The following FRMD4B variants were observed in gnomAD, a reference collection of about 807,000 sequenced individuals.
The protein encoded by FRMD4B is FERM domain-containing protein 4B.
FRMD4B carries 74 observed loss-of-function variants against 141.5 expected under a neutral mutation model. The ratio of observed to expected loss-of-function variants is 0.52; its 90% confidence interval spans 0.43 to 0.63. FRMD4B has a LOEUF of 0.63. Among genes scored for constraint, FRMD4B ranks in the 30% least tolerant of loss-of-function variants. FRMD4B has a pLI of 0.00. For synonymous variants in FRMD4B, 506 were observed against 467.9 expected (o/e 1.08, Z -1.05); for missense variants, 1,366 against 1,253.4 (o/e 1.09, Z -1.36).
chr3:69,251,277 C>T (rs1246404515), intron 5 of FRMD4B, among the ~76,000 whole-genome samples: 2 of 152,120 alleles, frequency 1.3e-5, no homozygotes, highest in Non-Finnish European at 2.9e-5. Context: ...CCTTCCACCT[C>T]TTGAATCTGA....
intron 21 of FRMD4B, among the ~76,000 whole-genome samples, chr3:69,180,223 C>T (rs1336428872): frequency 7.4e-6 from 1 of 136,002 alleles, no homozygotes; most frequent in Non-Finnish European, 1.5e-5. Flanking sequence ...TAGCAAGACC[C>T]AACCTAAGCC....
At chr3:69,423,746 T>C (rs916477813) in intron 2 of FRMD4B, among the ~76,000 whole-genome samples, 1 of 152,084 alleles carries the variant, frequency 6.6e-6, no homozygotes. Context: ...TTCTACCAAG[T>C]GAAGACACAA....
At chr3:69,373,142 C>T (rs1337369223) in intron 1 of FRMD4B, among the ~76,000 whole-genome samples, 2 of 152,174 alleles carry the variant, frequency 1.3e-5, no homozygotes, top group Admixed American at 1.3e-4. Context: ...AACAACTTCA[C>T]CAAAGACTTT....
chr3:69,489,166 A>G (rs1053851138), intron 1 of FRMD4B, among the ~76,000 whole-genome samples: 1 of 151,820 alleles, frequency 6.6e-6, no homozygotes, highest in Non-Finnish European at 1.5e-5. Flanking sequence ...TCCAGAATAT[A>G]TAAAGAACTC....
At chr3:69,278,551 C>A (rs1434330992) in intron 5 of FRMD4B, among the ~76,000 whole-genome samples, 1 of 151,944 alleles carries the variant, frequency 6.6e-6, no homozygotes, top group African/African-American at 2.4e-5. Context: ...TCTTACTGGG[C>A]CTCCCAAAGT....
chr3:69,456,247 A>AAAGT (rs35248221), intron 1 of FRMD4B, among the ~76,000 whole-genome samples: 2 of 18,620 alleles, frequency 1.1e-4, no homozygotes, highest in African/African-American at 9.8e-4. Flanking sequence ...GTGTTTGCAC[A>AAAGT]AAGTAAGAAA....
chr3:69,541,789 T>TCCCCCCC (rs56146632), intron 1 of FRMD4B, among the ~76,000 whole-genome samples: 42 of 148,356 alleles, frequency 2.8e-4, no homozygotes, highest in Middle Eastern at 3.5e-3. Context: ...TCCAGGGATT[T>TCCCCCCC]CCCCCCCCTC....
chr3:69,170,277 A>G lies in FRMD4B; in HGVS notation c.*1584T>C, dbSNP rs1303274162. 2 of 152,232 alleles carry G rather than the reference A, an allele frequency of 1.3e-5. No homozygotes were observed. The highest frequency in any genetic ancestry group is 6.5e-5 in the Admixed American group (1 of 15,282). The allele number at this position is 152,232 out of a possible 1,614,324, so 9.4% of individuals were successfully genotyped here. ...AAAACGTAAACATTTTCAGTAGCACACCTTTTGTTTATTGACCTATGTAAA... is the reference window on the plus strand; with the variant it reads ...AAAACGTAAACATTTTCAGTAGCACGCCTTTTGTTTATTGACCTATGTAAA... On this transcript the variant is annotated 3_prime_UTR_variant, in exon 23 of 23. Transcript: ENST00000398540.
At chr3:69,185,209 G>A (rs919906180) in intron 19 of FRMD4B, among the ~76,000 whole-genome samples, 5 of 151,244 alleles carry the variant, frequency 3.3e-5, no homozygotes, top group African/African-American at 1.2e-4. Context: ...GTTGAGGCAG[G>A]AGAATGGCGT....
At chr3:69,189,836 T>C in intron 18 of FRMD4B, 60 bp downstream of exon 18, 3 of 1,028,354 alleles carry the variant, frequency 2.9e-6, no homozygotes, top group Non-Finnish European at 4.5e-6. Context: ...ACTAAGAAAA[T>C]TATCTTAATT....
intron 5 of FRMD4B, among the ~76,000 whole-genome samples, chr3:69,282,740 C>T (rs565065132): frequency 2.6e-5 from 4 of 152,136 alleles, no homozygotes; most frequent in Non-Finnish European, 4.4e-5. Context: ...CAGGTTCAAG[C>T]GATTCTCCTG....
chr3:69,200,760 G>A (rs1162116699), intron 11 of FRMD4B: 2 of 997,782 alleles, frequency 2.0e-6, no homozygotes, highest in Non-Finnish European at 2.8e-6. Flanking sequence ...ATCCAAGGAC[G>A]AATTTCACCG....
At chr3:69,268,390 G>C (rs1177864732) in intron 5 of FRMD4B, among the ~76,000 whole-genome samples, 1 of 151,962 alleles carries the variant, frequency 6.6e-6, no homozygotes, top group Non-Finnish European at 1.5e-5. Context: ...GAGACAATTG[G>C]AGAACAGATG....
At chr3:69,539,056 G>GA (rs1178147750) in intron 1 of FRMD4B, among the ~76,000 whole-genome samples, 3 of 152,168 alleles carry the variant, frequency 2.0e-5, no homozygotes, top group Non-Finnish European at 4.4e-5. Flanking sequence ...GATAAGATCA[G>GA]ATCTCTGGGG....
chr3:69,535,909 GT>G, intron 1 of FRMD4B: 1 of 411,376 alleles, frequency 2.4e-6, no homozygotes, highest in Non-Finnish European at 4.9e-6. Flanking sequence ...CTGACAGTGG[GT>G]TTTGAACTCT....
chr3:69,334,086 CT>C (rs1222544879), intron 1 of FRMD4B: 1 of 152,142 alleles, frequency 6.6e-6, no homozygotes, highest in Non-Finnish European at 1.5e-5. Flanking sequence ...GGCTAACACT[CT>C]TAAGATAATG....
chr3:69,374,938 A>C (rs566246582), intron 1 of FRMD4B, among the ~76,000 whole-genome samples: 1 of 152,258 alleles, frequency 6.6e-6, no homozygotes, highest in East Asian at 1.9e-4. Flanking sequence ...TGAACAATGC[A>C]TACGTGAAGA....
At chr3:69,466,081 T>G (rs1352658325) in intron 1 of FRMD4B, among the ~76,000 whole-genome samples, 6 of 152,158 alleles carry the variant, frequency 3.9e-5, no homozygotes, top group African/African-American at 1.4e-4. Context: ...TTTTTTCTCA[T>G]TCTAAGTGGC....
chr3:69,323,143 G>A, intron 1 of FRMD4B: 1 of 200,326 alleles, frequency 5.0e-6, no homozygotes, highest in Non-Finnish European at 8.9e-6. Flanking sequence ...TGACAAAGAA[G>A]AGGAGAATTC....
Sources: allele counts gnomAD v4.1 joint callset (sites outside exome capture counted in the v4.1 genomes callset), GRCh38; gene constraint gnomAD v4.1.1; transcripts MANE v1.5; gene names NCBI Gene and HGNC (gene_info 2026-07-23, HGNC 2026-07-21).